PCDH7: variants seen among roughly 807,000 people sequenced by gnomAD.
PCDH7 encodes protocadherin 7, also known as protocadherin-7.
PCDH7 carries 17 observed loss-of-function variants against 58.9 expected under a neutral mutation model. That is an observed-to-expected ratio of 0.29 (90% CI 0.20 to 0.43). The LOEUF (loss-of-function observed/expected upper bound fraction) is 0.43, where lower values mean the gene tolerates loss of function less well. Ranked by LOEUF, PCDH7 falls within the 20% of genes least tolerant of loss-of-function variation. The pLI is 1.00. For missense variants in PCDH7, 1,274 were observed against 1,441.0 expected (o/e 0.88, Z 1.88); for synonymous variants, 664 against 616.4 (o/e 1.08, Z -1.14).
intron 3 of PCDH7, among the ~76,000 whole-genome samples, chr4:31,007,175 G>A (rs1560572005): frequency 6.6e-6 from 1 of 152,250 alleles, no homozygotes; most frequent in South Asian, 2.1e-4. Context: ...CTGGCTTGGA[G>A]AATTATTTAA....
chr4:30,974,487 C>A lies in PCDH7; in HGVS notation c.*7+24272C>A, dbSNP rs1013762431. Among the ~76,000 whole-genome samples the A allele has an allele frequency of 2.2e-4, 34 of 152,158 alleles. 1 individual carries two copies. The highest frequency in any genetic ancestry group is 4.7e-4 in the Non-Finnish European group (32 of 68,006). Reference sequence around the variant, plus strand: ...ATAATAGAGACTTTCTTCCACCACACAAGCCTCTCATTTTTCTAGATAATG... The same window carrying A: ...ATAATAGAGACTTTCTTCCACCACAAAAGCCTCTCATTTTTCTAGATAATG... On this transcript the variant is annotated intron_variant, in intron 3 of 3. Transcript: ENST00000509759.
chr4:31,142,345 G>C, intron 3 of PCDH7, 128 bp from the exon 3 acceptor site: 1 of 865,548 alleles, frequency 1.2e-6, no homozygotes, highest in Non-Finnish European at 1.6e-6. Context: ...TGATGAGCTA[G>C]AGGGTGTTGG....
At chr4:30,874,769 A>T (rs1427563127) in intron 1 of PCDH7, among the ~76,000 whole-genome samples, 1 of 151,980 alleles carries the variant, frequency 6.6e-6, no homozygotes, top group African/African-American at 2.4e-5. Flanking sequence ...GATGTTGTGA[A>T]TTTTAAACTA....
chr4:30,956,895 T>A (rs552245250), intron 3 of PCDH7, among the ~76,000 whole-genome samples: 1 of 152,124 alleles, frequency 6.6e-6, no homozygotes, highest in Admixed American at 6.6e-5. Context: ...AAACAAAAAA[T>A]TTTGTATAGA....
At chr4:30,906,296 A>G (rs886105250) in intron 1 of PCDH7, among the ~76,000 whole-genome samples, 1 of 152,202 alleles carries the variant, frequency 6.6e-6, no homozygotes, top group Non-Finnish European at 1.5e-5. Flanking sequence ...AAAGAATAGT[A>G]AATATCACCT....
intron 3 of PCDH7, among the ~76,000 whole-genome samples, chr4:30,973,468 A>T (rs1749782516): frequency 6.6e-6 from 1 of 152,226 alleles, no homozygotes; most frequent in Non-Finnish European, 1.5e-5. Context: ...AAAGACTACC[A>T]CATTAGAATT....
intron 3 of PCDH7, among the ~76,000 whole-genome samples, chr4:31,058,505 G>A (rs141951615): frequency 3.3e-4 from 50 of 152,114 alleles, no homozygotes; most frequent in Admixed American, 1.4e-3. Context: ...TAGGCAGAGT[G>A]CATTTACCTG....
At chr4:30,993,981 A>G (rs1751672052) in intron 3 of PCDH7, among the ~76,000 whole-genome samples, 1 of 152,226 alleles carries the variant, frequency 6.6e-6, no homozygotes, top group African/African-American at 2.4e-5. Context: ...CTAGTTGAAT[A>G]GAATATTAAC....
chr4:30,991,255 A>G (rs1406320490), intron 3 of PCDH7, among the ~76,000 whole-genome samples: 1 of 152,140 alleles, frequency 6.6e-6, no homozygotes, highest in Non-Finnish European at 1.5e-5. Context: ...TCCTCCCCCA[A>G]GTCAGAAGGT....
intron 3 of PCDH7, among the ~76,000 whole-genome samples, chr4:30,953,274 T>A (rs1054564702): frequency 1.2e-4 from 19 of 152,310 alleles, no homozygotes; most frequent in African/African-American, 4.6e-4. Context: ...CAAAATAATT[T>A]CTATTTTTTT....
intron 1 of PCDH7, among the ~76,000 whole-genome samples, chr4:30,760,151 A>G (rs1410458048): frequency 6.6e-6 from 1 of 152,146 alleles, no homozygotes; most frequent in Non-Finnish European, 1.5e-5. Context: ...GTGTTTCTAC[A>G]TGTTTCTCAG....
intron 3 of PCDH7, among the ~76,000 whole-genome samples, chr4:30,994,795 A>G (rs1751735793): frequency 1.3e-5 from 2 of 152,296 alleles, no homozygotes; most frequent in South Asian, 4.1e-4. Flanking sequence ...TAATATAGGT[A>G]TATTCAAAAT....
At chr4:30,775,731 T>C (rs1235685019) in intron 1 of PCDH7, among the ~76,000 whole-genome samples, 2 of 152,050 alleles carry the variant, frequency 1.3e-5, no homozygotes, top group Non-Finnish European at 2.9e-5. Flanking sequence ...ACCCCATCTC[T>C]ACTAAAAATA....
chr4:31,016,661 G>T (rs1753627545), intron 3 of PCDH7, among the ~76,000 whole-genome samples: 1 of 152,088 alleles, frequency 6.6e-6, no homozygotes, highest in Non-Finnish European at 1.5e-5. Flanking sequence ...TGGTCTGTTT[G>T]TATAAAATTA....
chr4:30,754,932 T>A (rs896338164), intron 1 of PCDH7, among the ~76,000 whole-genome samples: 2 of 152,236 alleles, frequency 1.3e-5, no homozygotes, highest in African/African-American at 4.8e-5. Context: ...TACGCCAGAC[T>A]CCAGGCAAGG....
At chr4:30,848,076 GA>G (rs1732218155) in intron 1 of PCDH7, among the ~76,000 whole-genome samples, 1 of 152,026 alleles carries the variant, frequency 6.6e-6, no homozygotes, top group Admixed American at 6.6e-5. Context: ...TATGTAAATG[GA>G]TTACCCATAT....
chr4:30,915,214 T>G (rs1742284925), intron 1 of PCDH7, among the ~76,000 whole-genome samples: 1 of 152,208 alleles, frequency 6.6e-6, no homozygotes, highest in African/African-American at 2.4e-5. Flanking sequence ...TGTTTTAACT[T>G]CTACCCTATT....
chr4:30,962,443 G>A (rs1461932129), intron 3 of PCDH7, among the ~76,000 whole-genome samples: 2 of 152,154 alleles, frequency 1.3e-5, no homozygotes, highest in East Asian at 1.9e-4. Flanking sequence ...ATGCAATAAA[G>A]TAAGTATGTA....
chr4:31,078,833 G>A (rs796777777), intron 3 of PCDH7, among the ~76,000 whole-genome samples: 15 of 151,964 alleles, frequency 9.9e-5, no homozygotes, highest in African/African-American at 3.6e-4. Flanking sequence ...AGACACAGTG[G>A]TTAAGAGGAT....
Sources: allele counts gnomAD v4.1 joint callset (sites outside exome capture counted in the v4.1 genomes callset), GRCh38; gene constraint gnomAD v4.1.1; transcripts MANE v1.5; gene names NCBI Gene and HGNC (gene_info 2026-07-23, HGNC 2026-07-21).